Variants in ANXA13 observed in about 807,000 individuals in gnomAD.
The protein encoded by ANXA13 is annexin A13.
A neutral mutation model predicts 46.6 loss-of-function variants in ANXA13; 36 were observed. The observed-to-expected ratio is 0.77, with a 90% CI of 0.59 to 1.02. The LOEUF is 1.02. Among genes scored for constraint, ANXA13 ranks in the 50% least tolerant of loss-of-function variants. ANXA13 has a pLI of 0.00. For missense variants in ANXA13, 417 were observed against 396.5 expected (o/e 1.05, Z -0.44); for synonymous variants, 163 against 152.9 (o/e 1.07, Z -0.49).
intron 1 of ANXA13, chr8:123,729,195 T>TGCTAATCTGGAGCTATGTGAGGCC (rs1236922759): frequency 2.6e-5 from 4 of 152,230 alleles, no homozygotes; most frequent in African/African-American, 9.7e-5. Flanking sequence ...TCCTTGAGGC[T>TGCTAATCTGGAGCTATGTGAGGCC]GCTAATCTGG....
intron 1 of ANXA13, chr8:123,735,636 C>G: frequency 8.0e-7 from 1 of 1,251,306 alleles, no homozygotes; most frequent in East Asian, 2.6e-5. Flanking sequence ...GGAAGTCACA[C>G]CTGATGATGG....
intron 8 of ANXA13, among the ~76,000 whole-genome samples, chr8:123,691,943 C>A (rs550940096): frequency 4.3e-4 from 65 of 152,284 alleles, no homozygotes; most frequent in African/African-American, 1.5e-3. Flanking sequence ...GGAGGAGGAT[C>A]TCAGTCATAG....
intron 10 of ANXA13, among the ~76,000 whole-genome samples, 191 bp downstream of exon 10, chr8:123,684,419 A>G (rs1038521473): frequency 1.3e-5 from 2 of 152,220 alleles, no homozygotes; most frequent in African/African-American, 4.8e-5. Context: ...AACGATCATT[A>G]TTGTATTTTT....
At chr8:123,704,354 G>A (rs1385970273) in intron 2 of ANXA13, among the ~76,000 whole-genome samples, 3 of 152,068 alleles carry the variant, frequency 2.0e-5, no homozygotes, top group East Asian at 1.9e-4. Context: ...ACCTCTTCTC[G>A]GTTCCTGCAT....
At chr8:123,694,666 C>A (rs989910208) in intron 6 of ANXA13, among the ~76,000 whole-genome samples, 4 of 152,188 alleles carry the variant, frequency 2.6e-5, no homozygotes, top group Non-Finnish European at 5.9e-5. Context: ...TGGCCGACAC[C>A]TTGATTTCAG....
At chr8:123,707,439 C>A (rs1022376178) in intron 2 of ANXA13, among the ~76,000 whole-genome samples, 3 of 152,012 alleles carry the variant, frequency 2.0e-5, no homozygotes, top group African/African-American at 7.2e-5. Flanking sequence ...AAAAAAGAGA[C>A]CAACCCAAAT....
At chr8:123,709,110 G>A (rs781581637) in intron 2 of ANXA13, among the ~76,000 whole-genome samples, 5 of 152,194 alleles carry the variant, frequency 3.3e-5, no homozygotes, top group African/African-American at 4.8e-5. Context: ...GAACAAGGGC[G>A]CGCCTACTCA....
chr8:123,688,411 C>A (rs184227796), intron 9 of ANXA13, among the ~76,000 whole-genome samples: 54 of 152,270 alleles, frequency 3.5e-4, no homozygotes, highest in Non-Finnish European at 5.3e-4. Context: ...TTATAAATTA[C>A]CCCATCTTGG....
At chr8:123,694,647 T>C (rs1177092274) in intron 6 of ANXA13, among the ~76,000 whole-genome samples, 1 of 152,178 alleles carries the variant, frequency 6.6e-6, no homozygotes, top group Non-Finnish European at 1.5e-5. Context: ...TCAGATGAGA[T>C]GGCAGCCCTG....
intron 2 of ANXA13, among the ~76,000 whole-genome samples, chr8:123,709,178 A>T (rs1661606074): frequency 6.6e-6 from 1 of 152,162 alleles, no homozygotes; most frequent in African/African-American, 2.4e-5. Context: ...ACATTGTTCC[A>T]AAGGAGGCGA....
At chr8:123,731,642 G>A (rs1814119607) in intron 1 of ANXA13, among the ~76,000 whole-genome samples, 1 of 152,108 alleles carries the variant, frequency 6.6e-6, no homozygotes, top group African/African-American at 2.4e-5. Context: ...GGGAGGCTGA[G>A]GTTGGAGGAT....
At chr8:123,723,828 G>A (rs1301556244) in intron 1 of ANXA13, among the ~76,000 whole-genome samples, 1 of 152,170 alleles carries the variant, frequency 6.6e-6, no homozygotes, top group Admixed American at 6.5e-5. Context: ...GCTAGGTTAT[G>A]TCATGTTCAC....
rs947072833 is a variant in ANXA13 at position 123,696,878 on chromosome 8, A to G, written c.358-1157T>C. Reference sequence around the variant, plus strand: ...CTTAAAGAAACTAGGCTGAGGGAGAAAAAGCTATGATCACATGAGATTAGA... The same window carrying G: ...CTTAAAGAAACTAGGCTGAGGGAGAGAAAGCTATGATCACATGAGATTAGA... On this transcript the variant is annotated intron_variant, in intron 4 of 10. Coordinates refer to ENST00000419625, the MANE Select transcript of ANXA13 (RefSeq NM_004306.4). Among the ~76,000 whole-genome samples, 7 of 152,220 alleles carry G rather than the reference A, an allele frequency of 4.6e-5. 1 individual carries two copies. Among genetic ancestry groups the G allele is most frequent in the Non-Finnish European group, 1.0e-4 (7 of 68,048 alleles).
chr8:123,694,161 G>T (rs1813291576), intron 6 of ANXA13, among the ~76,000 whole-genome samples: 1 of 152,212 alleles, frequency 6.6e-6, no homozygotes, highest in African/African-American at 2.4e-5. Context: ...GGTCATGGAA[G>T]TCTAACTTGA....
chr8:123,729,863 A>G (rs1454002281), intron 1 of ANXA13, among the ~76,000 whole-genome samples: 1 of 152,116 alleles, frequency 6.6e-6, no homozygotes, highest in Non-Finnish European at 1.5e-5. Flanking sequence ...AACAAAAACA[A>G]CTGTGAACTC....
At chr8:123,717,915 A>G (rs948579112) in intron 1 of ANXA13, among the ~76,000 whole-genome samples, 9 of 152,252 alleles carry the variant, frequency 5.9e-5, no homozygotes, top group Admixed American at 3.3e-4. Flanking sequence ...TGTTGTCTGT[A>G]AAAGGTACAA....
intron 5 of ANXA13, 28 bp from the exon 6 acceptor site, chr8:123,695,609 G>T (rs764074115): frequency 1.2e-6 from 2 of 1,610,452 alleles, no homozygotes; most frequent in African/African-American, 1.3e-5. Context: ...AAGGAGGGAA[G>T]AAAGCAGATG....
At chr8:123,683,839 G>A (rs929942680) in intron 10 of ANXA13, among the ~76,000 whole-genome samples, 3 of 152,074 alleles carry the variant, frequency 2.0e-5, no homozygotes, top group Admixed American at 6.5e-5. Flanking sequence ...CACCCACCTC[G>A]GCCTCCCAAA....
chr8:123,708,610 C>CT (rs1281227724), intron 2 of ANXA13, among the ~76,000 whole-genome samples: 2 of 152,236 alleles, frequency 1.3e-5, no homozygotes, highest in Non-Finnish European at 2.9e-5. Flanking sequence ...ACAGTCCTGC[C>CT]TGCCTGAGCA....
Sources: allele counts gnomAD v4.1 joint callset (sites outside exome capture counted in the v4.1 genomes callset), GRCh38; gene constraint gnomAD v4.1.1; transcripts MANE v1.5; gene names NCBI Gene and HGNC (gene_info 2026-07-23, HGNC 2026-07-21).